The following PELI2 variants were observed in gnomAD, a reference collection of about 807,000 sequenced individuals.
PELI2 encodes E3 ubiquitin-protein ligase pellino homolog 2.
Under a neutral mutation model 42.3 loss-of-function variants are expected in PELI2, and 23 were observed. That is an observed-to-expected ratio of 0.54 (90% confidence interval 0.39 to 0.77). The LOEUF (loss-of-function observed/expected upper bound fraction) is 0.77. PELI2 is among the 30% of genes least tolerant of loss of function. The pLI, the probability that PELI2 is intolerant of heterozygous loss-of-function variation, is 0.00. For synonymous variants in PELI2, 245 were observed against 212.2 expected, an observed-to-expected ratio of 1.15 and a Z score of -1.34; for missense variants, 463 against 553.2, an observed-to-expected ratio of 0.84 and a Z score of 1.64.
chr14:56,215,179 T>C (rs1443340212), intron 2 of PELI2, among the ~76,000 whole-genome samples: 1 of 152,230 alleles, frequency 6.6e-6, no homozygotes, highest in Non-Finnish European at 1.5e-5. Flanking sequence ...CAGCCTTATT[T>C]GAGACTCAGC....
At chr14:56,158,330 G>T (rs1211099831) in intron 1 of PELI2, among the ~76,000 whole-genome samples, 1 of 151,382 alleles carries the variant, frequency 6.6e-6, no homozygotes, top group Non-Finnish European at 1.5e-5. Flanking sequence ...GCCTGCCCAA[G>T]ATTCTTATTT....
rs937212505 is a variant in PELI2, at chr14:56,241,577, C to T, written c.208-38099C>T. ...AGTTGGGGGGAAGCAGACAAAAACC[C>T]GTGCCATTGTGGAGTATATATTCTG... On this transcript the variant is annotated intron_variant, in intron 2 of 5. Transcript: ENST00000267460. Among the ~76,000 whole-genome samples, 27 of 152,200 alleles carry T rather than the reference C, an allele frequency of 1.8e-4. 1 individual carries two copies. The highest frequency in any genetic ancestry group is 1.2e-3 in the Admixed American group (19 of 15,282).
intron 3 of PELI2, among the ~76,000 whole-genome samples, chr14:56,280,158 A>G (rs1858829800): frequency 1.3e-5 from 2 of 152,192 alleles, no homozygotes; most frequent in Non-Finnish European, 2.9e-5. Context: ...ATCATGTAGC[A>G]CAACTGACAA....
At chr14:56,129,991 T>C (rs112221016) in intron 1 of PELI2, among the ~76,000 whole-genome samples, 3 of 152,114 alleles carry the variant, frequency 2.0e-5, no homozygotes, top group African/African-American at 7.2e-5. Context: ...CCTTTTGAAT[T>C]GAAGTGGAGG....
At chr14:56,242,393 G>A (rs577720640) in intron 2 of PELI2, among the ~76,000 whole-genome samples, 2 of 152,168 alleles carry the variant, frequency 1.3e-5, no homozygotes, top group Non-Finnish European at 2.9e-5. Flanking sequence ...GAGAGTCTGT[G>A]TGAGGAAGCT....
At position 56,178,436 on chromosome 14, in the gene PELI2, A is replaced by G. The variant is rs772649990; in HGVS notation, c.179A>G (p.His60Arg). ...AATGGTGTCAAACCCAGCACCGTCC[A>G]TGTGATATCCACGCCCCAGGCATCC... is the stretch of plus-strand genomic sequence containing the variant. ...KANGVKPSTVHVISTPQASKA... is the reference protein window; with the variant it reads ...KANGVKPSTVRVISTPQASKA... The change falls in exon 2 of 6, where the codon CAT becomes CGT. Residue 60 changes from histidine (H) to arginine (R), a missense_variant. Physicochemically the swap from His to Arg is conservative, Grantham distance 29 (BLOSUM62 0). Coordinates refer to ENST00000267460, the MANE Select transcript of PELI2 (RefSeq NM_021255.3). 1.9e-6 allele frequency: 3 copies of G among 1,614,196 alleles called. No individual in the cohort carries two copies. The highest frequency in any genetic ancestry group is 2.2e-5 in the East Asian group (1 of 44,878).
chr14:56,296,613 C>A lies in PELI2; in HGVS notation c.710C>A (p.Thr237Asn). The change falls in exon 6 of 6, where the codon ACC (threonine) becomes AAC (asparagine). Residue 237 changes from threonine (T) to asparagine (N), a missense_variant. By Grantham distance (65) the Thr-to-Asn change is moderately conservative. Coordinates refer to ENST00000267460, the MANE Select transcript of PELI2 (RefSeq NM_021255.3). ...AACTTGTTGTAGGTGGAAAGTGAGACCAACGTCCTGCAGGACGGCTCCCTC... is the reference window on the plus strand; with the variant it reads ...AACTTGTTGTAGGTGGAAAGTGAGAACAACGTCCTGCAGGACGGCTCCCTC... ...QQRGKLVESE[T>N]NVLQDGSLID... 6.3e-7 allele frequency: 1 copy of A among 1,599,090 alleles called. No individual in the cohort carries two copies. The highest frequency in any genetic ancestry group is 8.5e-7 in the Non-Finnish European group (1 of 1,170,088).
At chr14:56,210,696 T>C (rs1242259529) in intron 2 of PELI2, among the ~76,000 whole-genome samples, 2 of 152,132 alleles carry the variant, frequency 1.3e-5, no homozygotes, top group African/African-American at 4.8e-5. Context: ...ACGAAAAGGC[T>C]AAGGTTCCAT....
At chr14:56,244,727 G>C (rs1888091215) in intron 2 of PELI2, among the ~76,000 whole-genome samples, 1 of 152,094 alleles carries the variant, frequency 6.6e-6, no homozygotes, top group Non-Finnish European at 1.5e-5. Context: ...TTTCTCCATT[G>C]AGTTGTGCTA....
intron 1 of PELI2, among the ~76,000 whole-genome samples, chr14:56,140,916 G>A (rs1461405796): frequency 6.6e-6 from 1 of 152,176 alleles, no homozygotes; most frequent in African/African-American, 2.4e-5. Context: ...AGGTTTGCTG[G>A]CCTGGGCATG....
intron 1 of PELI2, among the ~76,000 whole-genome samples, chr14:56,126,735 G>A (rs377377195): frequency 6.6e-6 from 1 of 152,276 alleles, no homozygotes; most frequent in East Asian, 1.9e-4. Context: ...ATGATTGATT[G>A]ATGGATTGAT....
At chr14:56,126,229 T>C (rs1406397734) in intron 1 of PELI2, among the ~76,000 whole-genome samples, 1 of 152,148 alleles carries the variant, frequency 6.6e-6, no homozygotes, top group African/African-American at 2.4e-5. Flanking sequence ...CACAGTGGCG[T>C]TGAAAGGCTG....
intron 1 of PELI2, among the ~76,000 whole-genome samples, chr14:56,176,416 C>G (rs1415928278): frequency 1.3e-5 from 2 of 152,154 alleles, no homozygotes; most frequent in South Asian, 4.1e-4. Flanking sequence ...GGCTTACATA[C>G]AGGGGAGAAA....
At chr14:56,213,653 G>A (rs1219636702) in intron 2 of PELI2, among the ~76,000 whole-genome samples, 1 of 152,186 alleles carries the variant, frequency 6.6e-6, no homozygotes, top group East Asian at 1.9e-4. Context: ...TGTGTTTGGG[G>A]GTGAGGTTAA....
At chr14:56,175,261 G>A (rs1259513931) in intron 1 of PELI2, among the ~76,000 whole-genome samples, 1 of 152,170 alleles carries the variant, frequency 6.6e-6, no homozygotes, top group South Asian at 2.1e-4. Context: ...CTCCCAAAGT[G>A]CTGGAATTAC....
At chr14:56,248,544 G>T (rs1008432524) in intron 2 of PELI2, among the ~76,000 whole-genome samples, 33 of 152,112 alleles carry the variant, frequency 2.2e-4, no homozygotes, top group Admixed American at 2.1e-3. Context: ...GGGAGCCTTG[G>T]TGGAGAGGCA....
At chr14:56,139,486 C>T (rs1883822536) in intron 1 of PELI2, among the ~76,000 whole-genome samples, 2 of 151,968 alleles carry the variant, frequency 1.3e-5, no homozygotes, top group Admixed American at 1.3e-4. Context: ...ACTTCTTTCC[C>T]CCGTTTGTTG....
intron 2 of PELI2, among the ~76,000 whole-genome samples, chr14:56,189,638 T>C (rs1885889654): frequency 6.6e-6 from 1 of 152,232 alleles, no homozygotes; most frequent in Admixed American, 6.5e-5. Context: ...TGGGAAGTAT[T>C]AATGACCTGT....
At chr14:56,237,545 C>CA (rs1281679332) in intron 2 of PELI2, among the ~76,000 whole-genome samples, 5 of 151,956 alleles carry the variant, frequency 3.3e-5, no homozygotes, top group Admixed American at 3.3e-4. Context: ...TCCCATGTGG[C>CA]TTCATGTATT....
Sources: gnomAD v4.1 joint callset for allele counts (sites outside exome capture counted in the v4.1 genomes callset) on GRCh38, gnomAD v4.1.1 for gene constraint, MANE v1.5 for transcripts, NCBI Gene and HGNC (gene_info 2026-07-23, HGNC 2026-07-21) for gene names.